The following MACROD2 variants were observed in gnomAD, a reference collection of about 807,000 sequenced individuals.
MACROD2 encodes mono-ADP ribosylhydrolase 2, also known as ADP-ribose glycohydrolase MACROD2.
In MACROD2, 36 loss-of-function variants were observed where a neutral mutation model predicts 70.4. That is an observed-to-expected ratio of 0.51 (90% confidence interval 0.39 to 0.68). MACROD2 has a LOEUF of 0.68. Ranked by LOEUF, MACROD2 falls within the 30% of genes least tolerant of loss-of-function variation. MACROD2 has a pLI of 0.00. For synonymous variants in MACROD2, 172 were observed against 178.8 expected (o/e 0.96, Z 0.30); for missense variants, 496 against 538.4 (o/e 0.92, Z 0.78).
chr20:15,076,445 T>C (rs1324753430), intron 5 of MACROD2, among the ~76,000 whole-genome samples: 1 of 152,160 alleles, frequency 6.6e-6, no homozygotes, highest in African/African-American at 2.4e-5. Context: ...TTAATCTCAA[T>C]ACATATTGTC....
At chr20:15,851,458 T>G (rs1218363374) in intron 8 of MACROD2, among the ~76,000 whole-genome samples, 11 of 152,184 alleles carry the variant, frequency 7.2e-5, no homozygotes. Context: ...GATGGCCATC[T>G]TCCCCCTGTG....
chr20:15,894,808 G>A (rs2064944866), intron 10 of MACROD2, among the ~76,000 whole-genome samples: 1 of 152,214 alleles, frequency 6.6e-6, no homozygotes, highest in Admixed American at 6.5e-5. Context: ...AAATCGTTCA[G>A]AGGAGAACAC....
intron 8 of MACROD2, among the ~76,000 whole-genome samples, chr20:15,711,608 A>G (rs2050629409): frequency 6.6e-6 from 1 of 152,174 alleles, no homozygotes; most frequent in Non-Finnish European, 1.5e-5. Flanking sequence ...AGCTTGGGGA[A>G]ATGGCGTGTG....
intron 5 of MACROD2, among the ~76,000 whole-genome samples, chr20:15,161,876 T>C (rs2076350651): frequency 6.6e-6 from 1 of 152,024 alleles, no homozygotes; most frequent in Admixed American, 6.6e-5. Flanking sequence ...CAAAATAAGA[T>C]ACTTTATTGA....
At chr20:15,402,452 A>G (rs945186141) in intron 6 of MACROD2, among the ~76,000 whole-genome samples, 1 of 152,226 alleles carries the variant, frequency 6.6e-6, no homozygotes, top group Non-Finnish European at 1.5e-5. Context: ...AAATTTCTCT[A>G]CTAATGCTCT....
intron 8 of MACROD2, among the ~76,000 whole-genome samples, chr20:15,837,774 A>G (rs1407239342): frequency 2.6e-5 from 4 of 152,172 alleles, no homozygotes; most frequent in Non-Finnish European, 5.9e-5. Flanking sequence ...GCTGTGGTCT[A>G]TCTCTGATGA....
Position 14,598,209 on chromosome 20 carries a change from A to G in MACROD2, c.302-86634A>G, listed in dbSNP as rs569147544. On this transcript the variant is annotated intron_variant, in intron 4 of 17. Coordinates refer to ENST00000684519, the MANE Select transcript of MACROD2 (RefSeq NM_001351661.2). ...ATATTAAAAATTCTTCCTGCTTAAGACCATTTTGCTTAGGCATGTGCAAGT... is the reference window on the plus strand; with the variant it reads ...ATATTAAAAATTCTTCCTGCTTAAGGCCATTTTGCTTAGGCATGTGCAAGT... 3.3e-5 allele frequency among the ~76,000 whole-genome samples: 5 copies of G among 152,120 alleles called. No individual in the cohort carries two copies. In the South Asian group the frequency reaches 1.0e-3, roughly 32 times the overall value.
At chr20:14,748,639 T>C (rs17197687) in intron 5 of MACROD2, among the ~76,000 whole-genome samples, 50,208 of 152,030 alleles carry the variant, frequency 0.33, 8,744 homozygotes, top group South Asian at 0.56. Context: ...GGGTGGACTC[T>C]AGACAGCCTT....
At chr20:14,859,315 G>A (rs1210330337) in intron 5 of MACROD2, among the ~76,000 whole-genome samples, 1 of 152,110 alleles carries the variant, frequency 6.6e-6, no homozygotes, top group Non-Finnish European at 1.5e-5. Flanking sequence ...TTCTATTTAA[G>A]TGTTAATTAT....
rs1435293228 is a variant in MACROD2 at position 14,733,755 on chromosome 20, C to G, written c.418+48796C>G. On this transcript the variant is annotated intron_variant, in intron 5 of 17. Transcript: ENST00000684519. ...TATAAAATAGGCAGGGGTTTTTTTT[C>G]CCCAAACTGGGGTAAAATTATAAAT... Among the ~76,000 whole-genome samples, 6 of 151,858 alleles carry G rather than the reference C, an allele frequency of 4.0e-5. No homozygotes were observed. The East Asian group carries it at 1.2e-3, about 29-fold the overall frequency.
At chr20:15,816,297 A>T (rs2063873921) in intron 8 of MACROD2, among the ~76,000 whole-genome samples, 1 of 152,086 alleles carries the variant, frequency 6.6e-6, no homozygotes, top group Non-Finnish European at 1.5e-5. Flanking sequence ...TGTGATCAAG[A>T]CATAGCCTGC....
intron 8 of MACROD2, among the ~76,000 whole-genome samples, chr20:15,656,998 T>C (rs2049741194): frequency 6.6e-6 from 1 of 152,016 alleles, no homozygotes; most frequent in Non-Finnish European, 1.5e-5. Context: ...GACTCTTCAA[T>C]TGCTTGGTTT....
At chr20:14,657,572 G>T (rs1986036417) in intron 4 of MACROD2, among the ~76,000 whole-genome samples, 1 of 152,186 alleles carries the variant, frequency 6.6e-6, no homozygotes, top group African/African-American at 2.4e-5. Flanking sequence ...CCACCTGCGT[G>T]GTTGGGCAAC....
rs552897128 is a variant in MACROD2, at chr20:15,252,791, G to A, written c.540+22730G>A. ...GCAGACATTCCTGTGACTACATCCA[G>A]TGTCTCCTTGTATGCAAATTTGTGG... On this transcript the variant is annotated intron_variant, in intron 6 of 17. Transcript: ENST00000684519. Among the ~76,000 whole-genome samples the A allele has an allele frequency of 2.0e-5, 3 of 152,286 alleles. No individual in the cohort carries two copies. In the South Asian group the frequency reaches 6.2e-4, roughly 32 times the overall value.
At chr20:15,989,509 T>G (rs746163633) in intron 15 of MACROD2, among the ~76,000 whole-genome samples, 31 of 152,196 alleles carry the variant, frequency 2.0e-4, no homozygotes, top group Non-Finnish European at 4.0e-4. Context: ...AACTTCTATT[T>G]TTTTAAAAAA....
intron 2 of MACROD2, chr20:14,053,384 T>G (rs1484303551): frequency 6.6e-6 from 1 of 152,144 alleles, no homozygotes; most frequent in African/African-American, 2.4e-5. Context: ...AACGCTGGTC[T>G]TCTTTTAATG....
chr20:14,556,475 C>T (rs756967959), intron 4 of MACROD2, among the ~76,000 whole-genome samples: 14 of 152,064 alleles, frequency 9.2e-5, no homozygotes, highest in African/African-American at 3.1e-4. Context: ...TAAAGAAGCT[C>T]CAAGAAAGTC....
In MACROD2 at chr20:14,926,491, A is replaced by C. The variant is rs111471048; in HGVS notation, c.418+241532A>C. ...CTTGAACCCTGGAGGCAGAGGTTGC[A>C]GTGAGCCGAGATTGCATCACTGCAC... On this transcript the variant is annotated intron_variant, in intron 5 of 17. Transcript: ENST00000684519. 1.6e-4 allele frequency among the ~76,000 whole-genome samples: 24 copies of C among 152,012 alleles called. 1 individual carries two copies. Among genetic ancestry groups the C allele is most frequent in the African/African-American group, 4.8e-4 (20 of 41,462 alleles).
chr20:15,139,057 T>G (rs891763295), intron 5 of MACROD2, among the ~76,000 whole-genome samples: 1 of 152,160 alleles, frequency 6.6e-6, no homozygotes, highest in African/African-American at 2.4e-5. Context: ...TAGCAGCTAT[T>G]AAATGGAGGT....
Sources: allele counts gnomAD v4.1 joint callset (sites outside exome capture counted in the v4.1 genomes callset), GRCh38; gene constraint gnomAD v4.1.1; transcripts MANE v1.5; gene names NCBI Gene and HGNC (gene_info 2026-07-23, HGNC 2026-07-21).